KLHL8: variants seen among roughly 807,000 people sequenced by gnomAD.
KLHL8 encodes the protein kelch-like protein 8.
Under a neutral mutation model 63.5 loss-of-function variants are expected in KLHL8, and 38 were observed. The ratio of observed to expected loss-of-function variants is 0.60; its 90% CI spans 0.46 to 0.78. KLHL8 has a LOEUF of 0.78. Ranked by LOEUF, KLHL8 falls within the 30% of genes least tolerant of loss-of-function variation. KLHL8 has a pLI of 0.00. For synonymous variants in KLHL8, 224 were observed against 254.3 expected (o/e 0.88, Z 1.13); for missense variants, 566 against 752.4 (o/e 0.75, Z 2.90).
At chr4:87,210,880 C>T (rs1213482648) in intron 1 of KLHL8, among the ~76,000 whole-genome samples, 1 of 152,160 alleles carries the variant, frequency 6.6e-6, no homozygotes, top group African/African-American at 2.4e-5. Flanking sequence ...CTTCCTATTC[C>T]TAGTGTACTT....
chr4:87,223,905 A>G (rs1375335644), upstream of KLHL8, among the ~76,000 whole-genome samples: 4 of 152,202 alleles, frequency 2.6e-5, no homozygotes, highest in Admixed American at 1.3e-4. Context: ...AATAAGCAAG[A>G]CTAGCCTATA....
intron 2 of KLHL8, among the ~76,000 whole-genome samples, chr4:87,190,443 A>G (rs1028339260): frequency 6.6e-6 from 1 of 151,982 alleles, no homozygotes; most frequent in Non-Finnish European, 1.5e-5. Context: ...TCAGGAGTTC[A>G]AGACCAGCCT....
chr4:87,230,023 C>G (rs1055245971), intron 1 of KLHL8, among the ~76,000 whole-genome samples: 1 of 152,162 alleles, frequency 6.6e-6, no homozygotes, highest in African/African-American at 2.4e-5. Context: ...CCCTCTCAGT[C>G]AGGTCACTGG....
rs1389468943 is a variant in KLHL8, at chr4:87,163,562, C to T, written c.1820G>A (p.Arg607Gln). 20 of 1,614,152 alleles carry T rather than the reference C, an allele frequency of 1.2e-5. No homozygotes were observed. The highest frequency in any genetic ancestry group is 1.6e-4 in the Middle Eastern group (1 of 6,062). ...AVCSCLTSQIRDVGHGSNNVV... is the reference protein window; with the variant it reads ...AVCSCLTSQIQDVGHGSNNVV... ...ATTATTGGATCCATGACCTACATCTCGAATTTGGCTAGTTAAACAGGAACA... is the reference window on the plus strand; with the variant it reads ...ATTATTGGATCCATGACCTACATCTTGAATTTGGCTAGTTAAACAGGAACA... The change falls in exon 10 of 10, where the codon CGA becomes CAA. Residue 607 changes from arginine to glutamine, a missense_variant. Transcript: ENST00000273963.
chr4:87,162,817 A>C lies in KLHL8; in HGVS notation c.*702T>G, dbSNP rs959600685. ...TTATGTAACAAATACTTTTTGCAAA[A>C]GATGAAAAAATAAAACTGTAAAATC... On this transcript the variant is annotated 3_prime_UTR_variant, in exon 10 of 10. Transcript: ENST00000273963. 1 of 152,222 alleles carries C rather than the reference A, an allele frequency of 6.6e-6. No individual in the cohort carries two copies. Among genetic ancestry groups the C allele is most frequent in the Non-Finnish European group, 1.5e-5 (1 of 68,034 alleles). 9.4% of individuals were successfully genotyped at this position (152,222 alleles called of 1,614,324 possible).
At chr4:87,182,270 C>T (rs1353916263) in intron 4 of KLHL8, among the ~76,000 whole-genome samples, 1 of 150,868 alleles carries the variant, frequency 6.6e-6, no homozygotes, top group Non-Finnish European at 1.5e-5. Context: ...TTACATCAAC[C>T]TATAAAAAAT....
At chr4:87,219,711 G>A (rs1401691662) in intron 1 of KLHL8, 2 of 152,374 alleles carry the variant, frequency 1.3e-5, no homozygotes, top group Non-Finnish European at 2.9e-5. Context: ...GGCGTAAAGA[G>A]CTGTCATCGT....
chr4:87,186,515 T>G (rs1390624378), intron 2 of KLHL8, among the ~76,000 whole-genome samples: 1 of 150,792 alleles, frequency 6.6e-6, no homozygotes, highest in African/African-American at 2.4e-5. Flanking sequence ...GGTCTCACCC[T>G]GTTGCCCAGG....
At position 87,161,072 on chromosome 4, in the gene KLHL8, T is replaced by G. The variant is rs993540590; in HGVS notation, c.*2447A>C. On this transcript the variant is annotated 3_prime_UTR_variant, in exon 10 of 10. Transcript: ENST00000273963. ...TTTTTTTTTTTTTTTGAGATGGAGT[T>G]TCACTCTTGTTTCACCGCTGGAGTG... 6 of 150,126 alleles carry G rather than the reference T, an allele frequency of 4.0e-5. No individual in the cohort carries two copies. Among genetic ancestry groups the G allele is most frequent in the Non-Finnish European group, 8.9e-5 (6 of 67,708 alleles). The allele number at this position is 150,126 out of a possible 1,614,324, so 9.3% of individuals were successfully genotyped here.
At chr4:87,234,436 C>CAAA (rs35074980) in intron 1 of KLHL8, among the ~76,000 whole-genome samples, 4 of 131,858 alleles carry the variant, frequency 3.0e-5, no homozygotes, top group African/African-American at 1.1e-4. Flanking sequence ...GTCTCTGTCT[C>CAAA]AAAAAAAAAA....
chr4:87,170,880 A>G (rs1421696453), intron 6 of KLHL8, among the ~76,000 whole-genome samples: 2 of 152,136 alleles, frequency 1.3e-5, no homozygotes, highest in Non-Finnish European at 2.9e-5. Flanking sequence ...ATAAAATATA[A>G]CCCAACAAAA....
chr4:87,224,862 GACCATTTTCTGAT>G (rs1334664961), upstream of KLHL8, among the ~76,000 whole-genome samples: 1 of 152,114 alleles, frequency 6.6e-6, no homozygotes, highest in Non-Finnish European at 1.5e-5. Context: ...AACCTTTGCT[GACCATTTTCTGAT>G]ATATTTCTCT....
chr4:87,226,581 C>CTA (rs1732979268), intron 1 of KLHL8, among the ~76,000 whole-genome samples: 1 of 84,676 alleles, frequency 1.2e-5, no homozygotes, highest in Non-Finnish European at 2.2e-5. Context: ...CTCTCTCTCT[C>CTA]TCTATATATA....
At chr4:87,174,752 CAG>C (rs1430850264) in intron 6 of KLHL8, among the ~76,000 whole-genome samples, 1 of 151,886 alleles carries the variant, frequency 6.6e-6, no homozygotes, top group Non-Finnish European at 1.5e-5. Flanking sequence ...ACGCTATTAA[CAG>C]AACAATAAAG....
At chr4:87,223,144 G>GTTTTGTTTTGTT (rs150754347), upstream of KLHL8, among the ~76,000 whole-genome samples, 1 of 151,050 alleles carries the variant, frequency 6.6e-6, no homozygotes, top group African/African-American at 2.4e-5. Flanking sequence ...GTTTTGTTTT[G>GTTTTGTTTTGTT]TTTTGTTTTG....
chr4:87,198,462 T>C (rs1293535078), intron 1 of KLHL8, among the ~76,000 whole-genome samples: 1 of 152,164 alleles, frequency 6.6e-6, no homozygotes, highest in Non-Finnish European at 1.5e-5. Context: ...CCACTTCCAA[T>C]TAAAGGCAGA....
At chr4:87,226,437 C>T (rs1732975848) in intron 1 of KLHL8, among the ~76,000 whole-genome samples, 1 of 149,648 alleles carries the variant, frequency 6.7e-6, no homozygotes, top group African/African-American at 2.5e-5. Flanking sequence ...GCGGTGCACG[C>T]CTGTAGTCCC....
intron 8 of KLHL8, among the ~76,000 whole-genome samples, chr4:87,164,870 C>T (rs532987114): frequency 1.4e-4 from 21 of 151,954 alleles, no homozygotes; most frequent in Admixed American, 5.2e-4. Context: ...GGTCAGAGGC[C>T]GGGCGCGGTG....
In KLHL8 at chr4:87,207,393, C is replaced by T. The variant is rs189819150; in HGVS notation, c.-151-11703G>A. Reference sequence around the variant, plus strand: ...TTGTGGAGTCCACTGGTGTTTTCACCCCCATGGAGAAGGCTGGAGCTCACT... The same window carrying T: ...TTGTGGAGTCCACTGGTGTTTTCACTCCCATGGAGAAGGCTGGAGCTCACT... On this transcript the variant is annotated intron_variant, in intron 1 of 9. Coordinates refer to ENST00000273963, the MANE Select transcript of KLHL8 (RefSeq NM_020803.5). The T allele has an allele frequency of 7.7e-4, 521 of 676,326 alleles. 2 individuals carry two copies. Among genetic ancestry groups the T allele is most frequent in the Non-Finnish European group, 1.2e-3 (446 of 368,236 alleles). 41.9% of individuals were successfully genotyped at this position (676,326 alleles called of 1,614,324 possible).
Sources: gnomAD v4.1 joint callset for allele counts (sites outside exome capture counted in the v4.1 genomes callset) on GRCh38, gnomAD v4.1.1 for gene constraint, MANE v1.5 for transcripts, NCBI Gene and HGNC (gene_info 2026-07-23, HGNC 2026-07-21) for gene names.